PARD3B: variants seen among roughly 807,000 people sequenced by gnomAD.
PARD3B encodes the protein par-3 family cell polarity regulator beta, also known as partitioning defective 3 homolog B.
A neutral mutation model predicts 130.2 loss-of-function variants in PARD3B; 103 were observed. The ratio of observed to expected loss-of-function variants is 0.79; its 90% CI spans 0.67 to 0.93. The LOEUF is 0.93. PARD3B is among the 40% of genes least tolerant of loss of function. The probability of loss-of-function intolerance (pLI) is 0.00; values close to 1 mark genes in which losing one functional copy is unlikely to be tolerated. For missense variants in PARD3B, 1,609 were observed against 1,499.2 expected, an observed-to-expected ratio of 1.07 and a Z score of -1.21; for synonymous variants, 583 against 553.2, an observed-to-expected ratio of 1.05 and a Z score of -0.76.
At position 205,471,287 on chromosome 2, in the gene PARD3B, T is replaced by C. The variant is rs999272498; in HGVS notation, c.3045-28609T>C. On this transcript the variant is annotated intron_variant, in intron 20 of 22. Transcript: ENST00000406610. ...CTATATGTCTTTTTCTATATCTAGA[T>C]GTCTTTTCTTAAGTTAAATGCATTG... Among the ~76,000 whole-genome samples, 3 of 152,162 alleles carry C rather than the reference T, an allele frequency of 2.0e-5. No individual in the cohort carries two copies. The East Asian group carries it at 5.8e-4, about 29-fold the overall frequency.
chr2:204,612,610 G>A (rs1270918213), intron 1 of PARD3B, among the ~76,000 whole-genome samples: 4 of 152,038 alleles, frequency 2.6e-5, no homozygotes, highest in Non-Finnish European at 5.9e-5. Context: ...TTGTTAATAT[G>A]TATTTATAAA....
At chr2:205,520,781 T>A (rs1356232905) in intron 21 of PARD3B, among the ~76,000 whole-genome samples, 7 of 152,124 alleles carry the variant, frequency 4.6e-5, no homozygotes, top group Admixed American at 1.3e-4. Context: ...TTGTTATATT[T>A]TGAAAATTTC....
intron 22 of PARD3B, among the ~76,000 whole-genome samples, chr2:205,599,604 G>A (rs761875215): frequency 2.0e-5 from 3 of 152,180 alleles, no homozygotes; most frequent in Admixed American, 6.5e-5. Context: ...AGGAATGTTG[G>A]TTTTGTAGAG....
intron 2 of PARD3B, among the ~76,000 whole-genome samples, chr2:204,852,507 A>G (rs1382098219): frequency 1.3e-5 from 2 of 152,186 alleles, no homozygotes; most frequent in Non-Finnish European, 1.5e-5. Context: ...GAATAATGTT[A>G]TAAACATGAA....
In PARD3B at chr2:205,230,806, T is replaced by C. The variant is rs1343115794; in HGVS notation, c.2141-14972T>C. Among the ~76,000 whole-genome samples, 1 of 152,162 alleles carries C rather than the reference T, an allele frequency of 6.6e-6. No individual in the cohort carries two copies. The highest frequency in any genetic ancestry group is 1.5e-5 in the Non-Finnish European group (1 of 68,032). ...CCAAGGCTTGGCAGAACTCAGGTTC[T>C]GACTGCTGGGATGGGCAATTTCCCT... On this transcript the variant is annotated intron_variant, in intron 15 of 22. Coordinates refer to ENST00000406610, the MANE Select transcript of PARD3B (RefSeq NM_001302769.2). The surrounding 1 kb of genome is among the most constrained non-coding windows in gnomAD (Gnocchi z 4.1).
intron 16 of PARD3B, among the ~76,000 whole-genome samples, chr2:205,289,362 A>G (rs2041517210): frequency 6.6e-6 from 1 of 150,824 alleles, no homozygotes; most frequent in African/African-American, 2.4e-5. Flanking sequence ...TTGTTCACCA[A>G]AAAAAAAATA....
intron 3 of PARD3B, among the ~76,000 whole-genome samples, chr2:205,007,724 G>A (rs1695386821): frequency 6.6e-6 from 1 of 152,174 alleles, no homozygotes; most frequent in South Asian, 2.1e-4. Flanking sequence ...GTTCTGTGAA[G>A]AATGATGCTG....
intron 2 of PARD3B, among the ~76,000 whole-genome samples, chr2:204,947,660 C>T (rs1022876237): frequency 6.7e-6 from 1 of 149,598 alleles, no homozygotes; most frequent in Non-Finnish European, 1.5e-5. Context: ...TTTTTCCAGG[C>T]CTTAGTTGTT....
chr2:204,973,982 A>G lies in PARD3B; in HGVS notation c.394+8659A>G, dbSNP rs540774927. ...CAGATATCACCACCACACCCTGTCA[A>G]TTTATCTTTGAAACAATGTATTCAT... On this transcript the variant is annotated intron_variant, in intron 3 of 22. Coordinates refer to ENST00000406610, the MANE Select transcript of PARD3B (RefSeq NM_001302769.2). Among the ~76,000 whole-genome samples the G allele has an allele frequency of 2.6e-5, 4 of 152,312 alleles. No individual in the cohort carries two copies. In the East Asian group the frequency reaches 7.7e-4, roughly 29 times the overall value.
chr2:205,481,495 T>C (rs1262795491), intron 20 of PARD3B, among the ~76,000 whole-genome samples: 1 of 152,086 alleles, frequency 6.6e-6, no homozygotes, highest in East Asian at 1.9e-4. Context: ...TGAACCGGGC[T>C]CGTGGAAGAA....
chr2:204,921,743 TAGAA>T (rs1405505737), intron 2 of PARD3B, among the ~76,000 whole-genome samples: 1 of 152,088 alleles, frequency 6.6e-6, no homozygotes, highest in East Asian at 1.9e-4. Flanking sequence ...ATTTGAATTT[TAGAA>T]AGAAAAGTTT....
intron 1 of PARD3B, among the ~76,000 whole-genome samples, chr2:204,657,725 A>G (rs1287714698): frequency 3.3e-5 from 5 of 152,184 alleles, no homozygotes; most frequent in Non-Finnish European, 7.3e-5. Flanking sequence ...TTATATTTAG[A>G]ACAAATAGCA....
At chr2:204,693,253 A>G (rs891230276) in intron 2 of PARD3B, among the ~76,000 whole-genome samples, 1 of 152,028 alleles carries the variant, frequency 6.6e-6, no homozygotes, top group African/African-American at 2.4e-5. Context: ...TACCAAATTT[A>G]TATCCATAAT....
chr2:204,726,319 T>G (rs1023229376), intron 2 of PARD3B, among the ~76,000 whole-genome samples: 3 of 152,184 alleles, frequency 2.0e-5, no homozygotes, highest in African/African-American at 7.2e-5. Context: ...ATTCCCAGTT[T>G]AGCTGCTGGT....
intron 5 of PARD3B, among the ~76,000 whole-genome samples, chr2:205,107,727 G>A (rs562644632): frequency 1.8e-4 from 27 of 152,210 alleles, no homozygotes; most frequent in African/African-American, 5.3e-4. Context: ...CATTATTAAC[G>A]CAAACATCTT....
At chr2:204,855,070 AG>A (rs1391179462) in intron 2 of PARD3B, among the ~76,000 whole-genome samples, 1 of 152,148 alleles carries the variant, frequency 6.6e-6, no homozygotes, top group East Asian at 1.9e-4. Flanking sequence ...CGTGCAAGGA[AG>A]GCTGGTGTCA....
intron 2 of PARD3B, among the ~76,000 whole-genome samples, chr2:204,834,831 A>C (rs755683860): frequency 2.6e-5 from 4 of 152,180 alleles, no homozygotes; most frequent in African/African-American, 4.8e-5. Flanking sequence ...CGATGGGCTG[A>C]AAAAGGCACC....
intron 2 of PARD3B, among the ~76,000 whole-genome samples, chr2:204,784,455 C>G (rs1354220350): frequency 6.6e-6 from 1 of 152,112 alleles, no homozygotes; most frequent in African/African-American, 2.4e-5. Flanking sequence ...CAAACTATAC[C>G]CTTCTGGTAT....
intron 3 of PARD3B, among the ~76,000 whole-genome samples, chr2:205,030,779 G>A (rs771616030): frequency 1.3e-5 from 2 of 152,062 alleles, no homozygotes; most frequent in Non-Finnish European, 2.9e-5. Flanking sequence ...ATGGTAAATT[G>A]TTTCATGGCC....
Sources: gnomAD v4.1 joint callset for allele counts (sites outside exome capture counted in the v4.1 genomes callset) on GRCh38, gnomAD v4.1.1 for gene constraint, Gnocchi (gnomAD v3.1) non-coding constraint, MANE v1.5 for transcripts, NCBI Gene and HGNC (gene_info 2026-07-23, HGNC 2026-07-21) for gene names.